The following SLC24A1 variants were observed in gnomAD, a reference collection of about 807,000 sequenced individuals.
SLC24A1 encodes sodium/potassium/calcium exchanger 1.
SLC24A1 carries 52 observed loss-of-function variants against 88.1 expected under a neutral mutation model. The observed-to-expected ratio is 0.59, with a 90% CI of 0.47 to 0.74. The LOEUF (loss-of-function observed/expected upper bound fraction) is 0.74. Ranked by LOEUF, SLC24A1 falls within the 30% of genes least tolerant of loss-of-function variation. The pLI, the probability that SLC24A1 is intolerant of heterozygous loss-of-function variation, is 0.00. For missense variants in SLC24A1, 1,173 were observed against 1,363.3 expected, an observed-to-expected ratio of 0.86 and a Z score of 2.20; for synonymous variants, 455 against 498.0, an observed-to-expected ratio of 0.91 and a Z score of 1.15.
At chr15:65,658,524 T>A (rs1464743678), downstream of SLC24A1, 3 of 152,108 alleles carry the variant, frequency 2.0e-5, no homozygotes, top group African/African-American at 7.2e-5. Flanking sequence ...AAAGTAGAGG[T>A]TGAGTATCCC....
downstream of SLC24A1, among the ~76,000 whole-genome samples, chr15:65,658,713 T>G (rs1476628813): frequency 6.6e-6 from 1 of 152,200 alleles, no homozygotes; most frequent in African/African-American, 2.4e-5. Flanking sequence ...GAGCACTTGA[T>G]TCCAGGAGCT....
chr15:65,630,424 A>G (rs1464278730), intron 2 of SLC24A1, among the ~76,000 whole-genome samples: 1 of 152,158 alleles, frequency 6.6e-6, no homozygotes, highest in Non-Finnish European at 1.5e-5. Flanking sequence ...TCAGTGACCT[A>G]TAGAGCCAGC....
chr15:65,632,756 T>C (rs1342475304), intron 2 of SLC24A1, among the ~76,000 whole-genome samples: 1 of 152,152 alleles, frequency 6.6e-6, no homozygotes, highest in Admixed American at 6.5e-5. Context: ...CTTAGTCTAA[T>C]GGAAGAGGTG....
chr15:65,617,430 A>G (rs1166614546), upstream of SLC24A1, among the ~76,000 whole-genome samples: 1 of 152,104 alleles, frequency 6.6e-6, no homozygotes, highest in African/African-American at 2.4e-5. Flanking sequence ...GTTCTCCTTG[A>G]GGAGGTCCTT....
chr15:65,660,051 C>A (rs1347514651), downstream of SLC24A1: 1 of 450,312 alleles, frequency 2.2e-6, no homozygotes, highest in African/African-American at 2.0e-5. Flanking sequence ...CCAAAAGCCT[C>A]CCCCCTCTGA....
chr15:65,611,499 C>A, exon 1 of SLC24A1: 1 of 406,974 alleles, frequency 2.5e-6, no homozygotes, highest in Non-Finnish European at 4.6e-6. Context: ...TCTGTGTCCG[C>A]TTCACACTTT....
At chr15:65,647,139 T>C (rs2141672952) in intron 6 of SLC24A1, among the ~76,000 whole-genome samples, 1 of 152,208 alleles carries the variant, frequency 6.6e-6, no homozygotes, top group Non-Finnish European at 1.5e-5. Context: ...ACAATCCCAA[T>C]CCTGCATCCA....
chr15:65,613,480 T>TTTTGTGTGTGTGTGTG (rs2074036843), intron 2 of SLC24A1, among the ~76,000 whole-genome samples: 1 of 149,018 alleles, frequency 6.7e-6, no homozygotes, highest in Non-Finnish European at 1.5e-5. Flanking sequence ...CAGGGTGATT[T>TTTTGTGTGTGTGTGTG]TGTGTGTGTG....
downstream of SLC24A1, chr15:65,660,292 G>A (rs1406451015): frequency 6.5e-7 from 1 of 1,535,318 alleles, no homozygotes; most frequent in Non-Finnish European, 8.7e-7. Flanking sequence ...TGGAAGCTGT[G>A]AAATGTTTCA....
rs1480006955 is a variant in SLC24A1, at chr15:65,650,110, T to C, written c.2233-272T>C. 7.9e-5 allele frequency among the ~76,000 whole-genome samples: 12 copies of C among 152,198 alleles called. No individual in the cohort carries two copies. On this transcript the variant is annotated intron_variant, in intron 6 of 9. Transcript: ENST00000261892. The surrounding 1 kb of genome is among the most constrained non-coding windows in gnomAD (Gnocchi z 4.1). Reference sequence around the variant, plus strand: ...TGGGGGTAGAACTTTGATATAAATATGGACTTCAGATGAATCAGAGGTGCC... The same window carrying C: ...TGGGGGTAGAACTTTGATATAAATACGGACTTCAGATGAATCAGAGGTGCC...
chr15:65,624,032 T>A lies in SLC24A1; in HGVS notation c.-49T>A. 6.7e-7 allele frequency: 1 copy of A among 1,488,488 alleles called. No individual in the cohort carries two copies. Among genetic ancestry groups the A allele is most frequent in the Non-Finnish European group, 9.0e-7 (1 of 1,106,706 alleles). 92.2% of individuals were successfully genotyped at this position (1,488,488 alleles called of 1,614,324 possible). A position where few individuals can be genotyped will look rare whatever the true frequency, so the allele number is the denominator to read the frequency against. On this transcript the variant is annotated 5_prime_UTR_variant, in exon 2 of 10. Coordinates refer to ENST00000261892, the MANE Select transcript of SLC24A1 (RefSeq NM_004727.3). ...AACCTGAATCCCAGAGTAGCCTCCA[T>A]CTTAGGACAGAATGAGAGGCCTTCT...
chr15:65,611,487 A>C, exon 1 of SLC24A1: 1 of 425,466 alleles, frequency 2.4e-6, no homozygotes, highest in East Asian at 4.3e-5. Flanking sequence ...TGGCCCGGTG[A>C]CTCTGTGTCC....
downstream of SLC24A1, chr15:65,659,146 A>G (rs2141771095): frequency 6.6e-6 from 1 of 152,274 alleles, no homozygotes; most frequent in Non-Finnish European, 1.5e-5. Flanking sequence ...GACATGGTTT[A>G]TTGTCAACCA....
chr15:65,655,005 C>A lies in SLC24A1; in HGVS notation c.*926C>A. ...CTGAAAAATAAAAATTTATAATTTG[C>A]CCTTGAATTGGAAGGAATGGAGATT... On this transcript the variant is annotated 3_prime_UTR_variant, in exon 10 of 10. Coordinates refer to ENST00000261892, the MANE Select transcript of SLC24A1 (RefSeq NM_004727.3). The A allele has an allele frequency of 9.6e-7, 1 of 1,040,902 alleles. No homozygotes were observed. The highest frequency in any genetic ancestry group is 1.2e-6 in the Non-Finnish European group (1 of 862,062). 64.5% of individuals were successfully genotyped at this position (1,040,902 alleles called of 1,614,324 possible).
In SLC24A1 at chr15:65,650,553, G is replaced by C. The variant is rs1456712540; in HGVS notation, c.2404G>C (p.Gly802Arg). ...EECEDENEAE[G>R]KGDNEGEDEG... ...ATGTGAAGATGAAAATGAAGCAGAA[G>C]GAAAAGGAGACAATGAAGGTGAAGA... The change falls in exon 7 of 10, where the codon GGA (glycine) becomes CGA (arginine). Residue 802 changes from glycine (G) to arginine (R), a missense_variant. Transcript: ENST00000261892. This position sits in a 1 kb window ranked among gnomAD's most constrained non-coding sequence, Gnocchi z 4.1. 1.9e-6 allele frequency: 3 copies of C among 1,551,834 alleles called. No individual in the cohort carries two copies. Among genetic ancestry groups the C allele is most frequent in the South Asian group, 1.2e-5 (1 of 84,042 alleles).
At chr15:65,621,752 T>C (rs1205511495), upstream of SLC24A1, among the ~76,000 whole-genome samples, 1 of 152,144 alleles carries the variant, frequency 6.6e-6, no homozygotes, top group Non-Finnish European at 1.5e-5. Flanking sequence ...GTTTGAGAAA[T>C]CTCCCCAGTT....
chr15:65,645,486 C>A, intron 5 of SLC24A1, 126 bp from the exon 6 acceptor site: 1 of 728,074 alleles, frequency 1.4e-6, no homozygotes, highest in Non-Finnish European at 2.4e-6. Context: ...ACAAGAAATT[C>A]CCCCAAATAA....
At chr15:65,648,472 CTTTTAA>C (rs917393915) in intron 6 of SLC24A1, among the ~76,000 whole-genome samples, 2 of 151,614 alleles carry the variant, frequency 1.3e-5, no homozygotes, top group African/African-American at 2.4e-5. Flanking sequence ...GAATCAATGG[CTTTTAA>C]TTTTATCTCT....
intron 4 of SLC24A1, among the ~76,000 whole-genome samples, chr15:65,642,731 C>T (rs908978229): frequency 6.6e-6 from 1 of 152,216 alleles, no homozygotes; most frequent in Non-Finnish European, 1.5e-5. Context: ...CATAGTGGCT[C>T]TACCCATGGA....
Sources: gnomAD v4.1 joint callset for allele counts (sites outside exome capture counted in the v4.1 genomes callset) on GRCh38, gnomAD v4.1.1 for gene constraint, Gnocchi (gnomAD v3.1) non-coding constraint, MANE v1.5 for transcripts, NCBI Gene and HGNC (gene_info 2026-07-23, HGNC 2026-07-21) for gene names.